Variants in DOCK11 observed in about 807,000 individuals in gnomAD.
DOCK11 encodes the protein dedicator of cytokinesis protein 11.
In DOCK11, 70 loss-of-function variants were observed where a neutral mutation model predicts 169.1. The ratio of observed to expected loss-of-function variants is 0.41; its 90% confidence interval spans 0.34 to 0.51. DOCK11 has a LOEUF of 0.51. Ranked by LOEUF, DOCK11 falls within the 20% of genes least tolerant of loss-of-function variation. The probability of loss-of-function intolerance (pLI) is 0.10; values close to 1 mark genes in which losing one functional copy is unlikely to be tolerated. For synonymous variants in DOCK11, 529 were observed against 541.3 expected, an observed-to-expected ratio of 0.98 and a Z score of 0.32; for missense variants, 1,166 against 1,538.8, an observed-to-expected ratio of 0.76 and a Z score of 4.05.
chrX:118,527,300 C>G (rs1232860392), intron 1 of DOCK11, among the ~76,000 whole-genome samples: 1 of 112,279 alleles, frequency 8.9e-6, no homozygotes, highest in African/African-American at 3.2e-5. Context: ...TGAAAAGATA[C>G]TCTTTCTTAG....
intron 18 of DOCK11, among the ~76,000 whole-genome samples, chrX:118,589,843 G>C (rs2013928336): frequency 8.9e-6 from 1 of 112,653 alleles, no homozygotes; most frequent in Non-Finnish European, 1.9e-5. Flanking sequence ...GACTGGTTGA[G>C]GGGGAGCCTC....
Position 118,495,892 on chromosome X carries a change from G to GGCCGCC in DOCK11, c.-77_-72dup. 1 of 559,262 alleles carries GGCCGCC rather than the reference G, an allele frequency of 1.8e-6. No individual in the cohort carries two copies. The allele number at this position is 559,262 out of a possible 1,213,427, so 46.1% of individuals were successfully genotyped here. On this transcript the variant is annotated 5_prime_UTR_variant, in exon 1 of 53. Transcript: ENST00000276202. ...AAACAGAGGGAGCAGCAGCGGCCGCGGCCGCCGCGGGCCGGGGCAGTGAGT... is the reference window on the plus strand; with the variant it reads ...AAACAGAGGGAGCAGCAGCGGCCGCGGCCGCCGCCGCCGCGGGCCGGGGCAGTGAGT...
In DOCK11 at chrX:118,681,046, A is replaced by T. The variant is rs952936496; in HGVS notation, c.5672-12A>T. On this transcript the variant is annotated splice_polypyrimidine_tract_variant and intron_variant, in intron 49 of 52. Transcript: ENST00000276202. ...TTCTAAAGTCAGTAAATCAATCTTA[A>T]CATTTTAATAGCTTCAAACTCGTTT... 2 of 1,138,939 alleles carry T rather than the reference A, an allele frequency of 1.8e-6. No homozygotes were observed. Among genetic ancestry groups the T allele is most frequent in the African/African-American group, 3.7e-5 (2 of 54,443 alleles). The allele number at this position is 1,138,939 out of a possible 1,213,427, so 93.9% of individuals were successfully genotyped here.
chrX:118,517,383 A>T (rs941266852), intron 1 of DOCK11, among the ~76,000 whole-genome samples: 5 of 106,598 alleles, frequency 4.7e-5, no homozygotes, highest in Middle Eastern at 4.6e-3. Context: ...ACCCTGTTTT[A>T]AAAAAAAAGA....
At chrX:118,497,669 T>C (rs2057546546) in intron 1 of DOCK11, among the ~76,000 whole-genome samples, 1 of 111,945 alleles carries the variant, frequency 8.9e-6, no homozygotes, top group South Asian at 3.7e-4. Flanking sequence ...ACCAGGGCTC[T>C]CATCTTGGGT....
At chrX:118,664,949 C>T (rs1420695866) in intron 45 of DOCK11, among the ~76,000 whole-genome samples, 2 of 112,043 alleles carry the variant, frequency 1.8e-5, no homozygotes, top group African/African-American at 3.2e-5. Flanking sequence ...ACTTCATAAA[C>T]ACTTTATGAA....
chrX:118,663,736 G>A lies in DOCK11; in HGVS notation c.5076+944G>A, dbSNP rs546538601. Among the ~76,000 whole-genome samples, 14 of 97,432 alleles carry A rather than the reference G, an allele frequency of 1.4e-4. No individual in the cohort carries two copies. In the Middle Eastern group the frequency reaches 0.021, roughly 143 times the overall value. The allele number at this position is 97,432 out of a possible 115,157, so 84.6% of individuals were successfully genotyped here. A position where few individuals can be genotyped will look rare whatever the true frequency, so the allele number is the denominator to read the frequency against. ...TGTCGCCAGGCTGGAGTGCAGTGGC[G>A]CAATCTTGGTTCACTGCAACCTCTG... On this transcript the variant is annotated intron_variant, in intron 45 of 52. Transcript: ENST00000276202.
At chrX:118,590,154 G>A (rs2013939488) in intron 18 of DOCK11, 56 bp from the exon 19 acceptor site, 1 of 1,035,873 alleles carries the variant, frequency 9.7e-7, no homozygotes, top group Non-Finnish European at 1.3e-6. Context: ...TGGTTCCATG[G>A]CATCACATTT....
chrX:118,651,507 A>T (rs746649051), intron 41 of DOCK11, among the ~76,000 whole-genome samples: 2 of 112,117 alleles, frequency 1.8e-5, no homozygotes, highest in Non-Finnish European at 3.8e-5. Context: ...AACCCTGGTC[A>T]AAAACAAAGA....
chrX:118,665,696 G>C (rs1287890681), intron 45 of DOCK11, among the ~76,000 whole-genome samples: 1 of 111,691 alleles, frequency 9.0e-6, no homozygotes, highest in East Asian at 2.8e-4. Flanking sequence ...TTATTTTTCA[G>C]TTTGCATAAT....
At chrX:118,669,324 A>G (rs1055012968) in intron 45 of DOCK11, among the ~76,000 whole-genome samples, 3 of 112,100 alleles carry the variant, frequency 2.7e-5, no homozygotes, top group African/African-American at 6.5e-5. Context: ...AGGGTGTAAT[A>G]GTTGCGTAGA....
chrX:118,628,502 T>C (rs2015161200), intron 34 of DOCK11, among the ~76,000 whole-genome samples: 1 of 112,545 alleles, frequency 8.9e-6, no homozygotes, highest in Non-Finnish European at 1.9e-5. Flanking sequence ...GTTCTAACTC[T>C]GAATATCTCC....
intron 12 of DOCK11, among the ~76,000 whole-genome samples, chrX:118,578,022 G>C (rs2013506560): frequency 8.9e-6 from 1 of 112,270 alleles, no homozygotes; most frequent in Non-Finnish European, 1.9e-5. Flanking sequence ...GACAAAATGA[G>C]TTTTGGATTC....
chrX:118,639,377 A>G (rs1372799388), intron 37 of DOCK11, 58 bp from the exon 38 acceptor site: 3 of 1,142,714 alleles, frequency 2.6e-6, no homozygotes, highest in African/African-American at 3.6e-5. Context: ...TAAAAAGATG[A>G]TAACATTGAG....
At position 118,572,499 on chromosome X, in the gene DOCK11, A is replaced by G; in HGVS notation, c.1176+36A>G. The G allele has an allele frequency of 2.7e-6, 3 of 1,123,947 alleles. No individual in the cohort carries two copies. In the South Asian group the frequency reaches 7.1e-5, roughly 27 times the overall value. The allele number at this position is 1,123,947 out of a possible 1,213,427, so 92.6% of individuals were successfully genotyped here. A position where few individuals can be genotyped will look rare whatever the true frequency, so the allele number is the denominator to read the frequency against. The stretch of plus-strand genomic sequence containing the variant: ...CTTTGCCTTCTACCCCCCTTGCATC[A>G]GTGCATTAAAGAAATGTCTTTCTCA... On this transcript the variant is annotated intron_variant, in intron 11 of 52. Transcript: ENST00000276202.
intron 20 of DOCK11, among the ~76,000 whole-genome samples, chrX:118,593,692 G>A (rs1163656001): frequency 7.2e-5 from 8 of 110,709 alleles, no homozygotes; most frequent in Admixed American, 9.6e-5. Flanking sequence ...AGGAAAGAGC[G>A]GCCCCCATGA....
chrX:118,602,198 C>T (rs1255410136), intron 23 of DOCK11, among the ~76,000 whole-genome samples: 2 of 105,405 alleles, frequency 1.9e-5, no homozygotes, highest in Admixed American at 2.1e-4. Context: ...TGGGGTGAGA[C>T]TATGACAAGT....
intron 42 of DOCK11, among the ~76,000 whole-genome samples, chrX:118,652,827 G>A (rs2015977936): frequency 8.9e-6 from 1 of 112,474 alleles, no homozygotes; most frequent in Admixed American, 9.4e-5. Flanking sequence ...TCATCTTCCA[G>A]CACAGTTTGA....
chrX:118,641,036 G>A (rs2015519447), intron 38 of DOCK11, among the ~76,000 whole-genome samples, 154 bp from the exon 39 acceptor site: 1 of 111,456 alleles, frequency 9.0e-6, no homozygotes, highest in Non-Finnish European at 1.9e-5. Context: ...TGATCTGTCC[G>A]CCTCAGCCTC....
Sources: allele counts gnomAD v4.1 joint callset (sites outside exome capture counted in the v4.1 genomes callset), GRCh38; gene constraint gnomAD v4.1.1; transcripts MANE v1.5; gene names NCBI Gene and HGNC (gene_info 2026-07-23, HGNC 2026-07-21).